CCDC62: variants seen among roughly 807,000 people sequenced by gnomAD.
CCDC62 encodes the protein coiled-coil domain containing 62.
CCDC62 carries 72 observed loss-of-function variants against 80.8 expected under a neutral mutation model. The ratio of observed to expected loss-of-function variants is 0.89; its 90% CI spans 0.74 to 1.08. CCDC62 has a LOEUF of 1.08. Ranked by LOEUF, CCDC62 falls within the 50% of genes least tolerant of loss-of-function variation. The pLI, the probability that CCDC62 is intolerant of heterozygous loss-of-function variation, is 0.00. For synonymous variants in CCDC62, 286 were observed against 296.5 expected (o/e 0.96, Z 0.36); for missense variants, 704 against 809.4 (o/e 0.87, Z 1.58).
intron 5 of CCDC62, 120 bp from the exon 6 acceptor site, chr12:122,791,900 G>A (rs1243497936): frequency 6.7e-5 from 47 of 701,730 alleles, no homozygotes; most frequent in Admixed American, 1.6e-4. Flanking sequence ...AACAGATTTT[G>A]TCTATAGATC....
chr12:122,825,192 T>C (rs2032565265), intron 12 of CCDC62, among the ~76,000 whole-genome samples: 1 of 152,090 alleles, frequency 6.6e-6, no homozygotes, highest in African/African-American at 2.4e-5. Flanking sequence ...TTGTTTGTTT[T>C]TGAGTTGGAG....
chr12:122,807,052 T>G (rs1282553059), intron 10 of CCDC62, among the ~76,000 whole-genome samples: 1 of 151,782 alleles, frequency 6.6e-6, no homozygotes, highest in Non-Finnish European at 1.5e-5. Flanking sequence ...GACTAATGTG[T>G]GGTAAATGGG....
chr12:122,811,680 C>T (rs1397484046), intron 10 of CCDC62, among the ~76,000 whole-genome samples: 1 of 150,568 alleles, frequency 6.6e-6, no homozygotes, highest in Non-Finnish European at 1.5e-5. Flanking sequence ...ATTAGCTGGG[C>T]GTGGTGGCAC....
intron 4 of CCDC62, among the ~76,000 whole-genome samples, chr12:122,786,526 A>G (rs1304662841): frequency 6.6e-6 from 1 of 152,130 alleles, no homozygotes; most frequent in Non-Finnish European, 1.5e-5. Context: ...ATACAACGAT[A>G]CACACTCTCC....
intron 12 of CCDC62, among the ~76,000 whole-genome samples, chr12:122,825,675 TAA>T (rs1040721423): frequency 1.5e-4 from 22 of 148,672 alleles, no homozygotes; most frequent in African/African-American, 5.4e-4. Context: ...TTATGTGGAG[TAA>T]AGTTTTATAA....
At chr12:122,788,601 C>G (rs184032336) in intron 4 of CCDC62, among the ~76,000 whole-genome samples, 157 bp from the exon 5 acceptor site, 5 of 152,248 alleles carry the variant, frequency 3.3e-5, no homozygotes, top group Admixed American at 6.5e-5. Flanking sequence ...AACAATAGTA[C>G]CACCCTCATA....
chr12:122,789,021 G>T, intron 5 of CCDC62, 92 bp downstream of exon 5: 1 of 990,436 alleles, frequency 1.0e-6, no homozygotes. Flanking sequence ...CTTGAGAGTA[G>T]ATCAATTCCT....
At chr12:122,808,396 G>T (rs371612894) in intron 10 of CCDC62, among the ~76,000 whole-genome samples, 2 of 152,090 alleles carry the variant, frequency 1.3e-5, no homozygotes, top group South Asian at 4.1e-4. Flanking sequence ...GGTTGTTTCT[G>T]GTGTGCTAGA....
chr12:122,777,691 A>G lies in CCDC62; in HGVS notation c.229+8A>G, dbSNP rs768696285. Reference sequence around the variant, plus strand: ...GTTGCAGCAAATTAGAAGGTCAGAAATACATTCAGGGACAACAGTTATGCA... The same window carrying G: ...GTTGCAGCAAATTAGAAGGTCAGAAGTACATTCAGGGACAACAGTTATGCA... On this transcript the variant is annotated splice_region_variant and intron_variant, in intron 2 of 12. Transcript: ENST00000253079. 2.0e-5 allele frequency: 33 copies of G among 1,612,638 alleles called. No individual in the cohort carries two copies. The highest frequency in any genetic ancestry group is 1.7e-4 in the African/African-American group (13 of 74,908).
chr12:122,804,139 G>A (rs1415115663), intron 9 of CCDC62, among the ~76,000 whole-genome samples: 1 of 152,156 alleles, frequency 6.6e-6, no homozygotes, highest in African/African-American at 2.4e-5. Flanking sequence ...GACAAACAGA[G>A]GTTTACCCGT....
intron 4 of CCDC62, 38 bp downstream of exon 4, chr12:122,785,858 C>A: frequency 2.2e-6 from 3 of 1,340,844 alleles, no homozygotes; most frequent in East Asian, 2.3e-5. Context: ...TGCCAGAGTG[C>A]TTGGTAGTTA....
chr12:122,793,018 C>A (rs1243099223), intron 6 of CCDC62, among the ~76,000 whole-genome samples: 2 of 152,142 alleles, frequency 1.3e-5, no homozygotes, highest in African/African-American at 2.4e-5. Context: ...TTCTGATAAA[C>A]CCCTCGCAAG....
chr12:122,805,605 C>T (rs1055654618), intron 9 of CCDC62, among the ~76,000 whole-genome samples: 2 of 149,540 alleles, frequency 1.3e-5, no homozygotes, highest in Non-Finnish European at 3.0e-5. Context: ...AGCTCTGCCT[C>T]CCGGGTTCAC....
intron 11 of CCDC62, among the ~76,000 whole-genome samples, chr12:122,820,097 AG>A (rs2032340845): frequency 6.6e-6 from 1 of 151,376 alleles, no homozygotes; most frequent in Non-Finnish European, 1.5e-5. Flanking sequence ...GAAGAAGAAA[AG>A]AAAGAGGATG....
chr12:122,799,966 G>T (rs1372721351), intron 8 of CCDC62, among the ~76,000 whole-genome samples: 1 of 152,094 alleles, frequency 6.6e-6, no homozygotes, highest in Non-Finnish European at 1.5e-5. Context: ...TCTCTTGCAG[G>T]CAGAAGCCCC....
intron 12 of CCDC62, 80 bp downstream of exon 12, chr12:122,823,539 C>A: frequency 4.1e-6 from 3 of 723,090 alleles, no homozygotes; most frequent in South Asian, 3.5e-5. Flanking sequence ...AACGTTGAGT[C>A]AAGGCCATGC....
intron 2 of CCDC62, 30 bp downstream of exon 2, chr12:122,777,713 T>A: frequency 6.3e-7 from 1 of 1,590,950 alleles, no homozygotes; most frequent in South Asian, 1.1e-5. Flanking sequence ...ACAACAGTTA[T>A]GCACTTCTGT....
chr12:122,800,974 C>T, intron 8 of CCDC62, 150 bp from the exon 9 acceptor site: 1 of 714,198 alleles, frequency 1.4e-6, no homozygotes, highest in Middle Eastern at 4.1e-4. Flanking sequence ...AGAAAGGATT[C>T]CTGGAGAAGG....
chr12:122,774,713 A>T lies in CCDC62; in HGVS notation c.36+7A>T. 8.0e-7 allele frequency: 1 copy of T among 1,254,554 alleles called. No homozygotes were observed. The allele number at this position is 1,254,554 out of a possible 1,614,324, so 77.7% of individuals were successfully genotyped here. On this transcript the variant is annotated splice_region_variant and intron_variant, in intron 1 of 12. Transcript: ENST00000253079. Reference sequence around the variant, plus strand: ...CTTCCTTGCCGGGCGCCAGGTAAGCAGCGGTTCCGGGCGCGGCGGGGCGCC... The same window carrying T: ...CTTCCTTGCCGGGCGCCAGGTAAGCTGCGGTTCCGGGCGCGGCGGGGCGCC...
Sources: gnomAD v4.1 joint callset for allele counts (sites outside exome capture counted in the v4.1 genomes callset) on GRCh38, gnomAD v4.1.1 for gene constraint, MANE v1.5 for transcripts, NCBI Gene and HGNC (gene_info 2026-07-23, HGNC 2026-07-21) for gene names.